The following KPTN variants were observed in gnomAD, a reference collection of about 807,000 sequenced individuals.
The protein encoded by KPTN is kaptin, actin binding protein.
In KPTN, 36 loss-of-function variants were observed where a neutral mutation model predicts 52.6. That is an observed-to-expected ratio of 0.68 (90% CI 0.52 to 0.90). The LOEUF (loss-of-function observed/expected upper bound fraction) is 0.90. KPTN is among the 40% of genes least tolerant of loss of function. KPTN has a pLI of 0.00. For missense variants in KPTN, 529 were observed against 576.2 expected (o/e 0.92, Z 0.84); for synonymous variants, 271 against 248.4 (o/e 1.09, Z -0.85).
chr19:47,478,672 G>A (rs1013849991), intron 8 of KPTN, among the ~76,000 whole-genome samples: 11 of 151,058 alleles, frequency 7.3e-5, no homozygotes, highest in Non-Finnish European at 1.5e-4. Flanking sequence ...TGACTAATGA[G>A]TGGAGAAAGA....
intron 7 of KPTN, 144 bp from the exon 8 acceptor site, chr19:47,480,084 C>CTCTGAAGCCCT: frequency 3.2e-6 from 2 of 620,304 alleles, no homozygotes. Flanking sequence ...AGCCCCGCCC[C>CTCTGAAGCCCT]CAATCCCCAC....
intron 2 of KPTN, 31 bp downstream of exon 2, chr19:47,483,471 G>A (rs1023483399): frequency 6.3e-7 from 1 of 1,598,572 alleles, no homozygotes; most frequent in Non-Finnish European, 8.6e-7. Context: ...TAAGGAGGAG[G>A]GCGAAGGGAG....
chr19:47,475,212 G>T lies in KPTN; in HGVS notation c.*204C>A, dbSNP rs1409702214. 1.2e-5 allele frequency: 6 copies of T among 515,356 alleles called. No homozygotes were observed. The highest frequency in any genetic ancestry group is 2.3e-5 in the South Asian group (1 of 43,874). 31.9% of individuals were successfully genotyped at this position (515,356 alleles called of 1,614,324 possible). Reference sequence around the variant, plus strand: ...CCAATTCTCATCCAGAGTGGACAGGGTGGAATGGGATCATCCCTGCTTTCA... The same window carrying T: ...CCAATTCTCATCCAGAGTGGACAGGTTGGAATGGGATCATCCCTGCTTTCA... On this transcript the variant is annotated 3_prime_UTR_variant, in exon 12 of 12. Coordinates refer to ENST00000338134, the MANE Select transcript of KPTN (RefSeq NM_007059.4).
At position 47,479,932 on chromosome 19, in the gene KPTN, G is replaced by T; in HGVS notation, c.718C>A (p.Gln240Lys). ...HVDQRSREVL[Q>K]MWSVLQDGPI... The stretch of plus-strand genomic sequence containing the variant: ...CCGTCCTGCAGGACCGACCACATCT[G>T]CAGAACCTCTGCGTGGAGAGCGAGG... Residue 240 changes from glutamine (Q) to lysine (K), a missense_variant, in exon 8 of 12, where the codon CAG becomes AAG. Gln to Lys is a moderately conservative substitution (Grantham distance 53). Transcript: ENST00000338134. The T allele has an allele frequency of 6.2e-7, 1 of 1,612,742 alleles. No homozygotes were observed.
chr19:47,476,396 T>G, intron 11 of KPTN, 136 bp downstream of exon 11: 3 of 322,734 alleles, frequency 9.3e-6, no homozygotes, highest in Non-Finnish European at 4.8e-6. Context: ...CAGCTGCCCC[T>G]TTCTCCTGGG....
Position 47,480,416 on chromosome 19 carries a change from C to G in KPTN, c.600-9G>C. Reference sequence around the variant, plus strand: ...CGTCCAGCCAGAGGACGCTGGCGGGCGGGTGGATGGACAGGACGGACGGCC... The same window carrying G: ...CGTCCAGCCAGAGGACGCTGGCGGGGGGGTGGATGGACAGGACGGACGGCC... On this transcript the variant is annotated splice_polypyrimidine_tract_variant and intron_variant, in intron 6 of 11. Coordinates refer to ENST00000338134, the MANE Select transcript of KPTN (RefSeq NM_007059.4). 6.5e-7 allele frequency: 1 copy of G among 1,537,140 alleles called. No individual in the cohort carries two copies. The highest frequency in any genetic ancestry group is 8.8e-7 in the Non-Finnish European group (1 of 1,138,514).
At position 47,479,905 on chromosome 19, in the gene KPTN, G is replaced by A. The variant is rs770304010; in HGVS notation, c.745C>T (p.Pro249Ser). 2 of 1,613,126 alleles carry A rather than the reference G, an allele frequency of 1.2e-6. No individual in the cohort carries two copies. The highest frequency in any genetic ancestry group is 1.7e-6 in the Non-Finnish European group (2 of 1,179,440). ...LQMWSVLQDG[P>S]ISRVIVFSLS... is the part of the protein sequence containing the mutation. ...CTGAACACAATCACTCGGGAGATGG[G>A]ACCGTCCTGCAGGACCGACCACATC... is the stretch of plus-strand genomic sequence containing the variant. Residue 249 changes from proline (P) to serine (S), a missense_variant, in exon 8 of 12, where the codon CCC (proline) becomes TCC (serine). Pro to Ser is a moderately conservative substitution (Grantham distance 74). Transcript: ENST00000338134.
At chr19:47,480,153 AG>A in intron 7 of KPTN, 144 bp downstream of exon 7, 1 of 434,950 alleles carries the variant, frequency 2.3e-6, no homozygotes, top group Non-Finnish European at 4.1e-6. Context: ...GCCCCACCCT[AG>A]CCCCACCCGG....
intron 4 of KPTN, among the ~76,000 whole-genome samples, chr19:47,482,792 G>A (rs1385140210): frequency 6.6e-6 from 1 of 152,076 alleles, no homozygotes; most frequent in Non-Finnish European, 1.5e-5. Flanking sequence ...TGCAACCTCC[G>A]CCTCCCGGGT....
chr19:47,478,735 C>G (rs887596447), intron 8 of KPTN, among the ~76,000 whole-genome samples: 2 of 152,048 alleles, frequency 1.3e-5, no homozygotes, highest in African/African-American at 4.8e-5. Flanking sequence ...AAAATGTTGT[C>G]TTTTGCAGCA....
At chr19:47,483,032 C>G in intron 4 of KPTN, 129 bp downstream of exon 4, 1 of 992,462 alleles carries the variant, frequency 1.0e-6, no homozygotes, top group Non-Finnish European at 1.6e-6. Flanking sequence ...AATCCCTAAT[C>G]TAGTACAACC....
intron 3 of KPTN, 29 bp from the exon 4 acceptor site, chr19:47,483,244 T>C: frequency 6.2e-7 from 1 of 1,612,926 alleles, no homozygotes; most frequent in Non-Finnish European, 8.5e-7. Flanking sequence ...CAGGTTAGCA[T>C]GGGGGACCTG....
chr19:47,476,024 AG>A (rs1277208574), intron 11 of KPTN: 7 of 151,954 alleles, frequency 4.6e-5, no homozygotes, highest in Admixed American at 3.9e-4. Context: ...AAAAAAAAAA[AG>A]GCCAGGGTGT....
chr19:47,477,115 G>C (rs1243964827), intron 9 of KPTN, among the ~76,000 whole-genome samples, 177 bp from the exon 10 acceptor site: 2 of 152,192 alleles, frequency 1.3e-5, no homozygotes, highest in Non-Finnish European at 2.9e-5. Flanking sequence ...CCAGCAAGGG[G>C]TCAACCTGTG....
Position 47,483,151 on chromosome 19 carries a change from G to C in KPTN, c.449+10C>G. 2 of 1,613,394 alleles carry C rather than the reference G, an allele frequency of 1.2e-6. No individual in the cohort carries two copies. Among genetic ancestry groups the C allele is most frequent in the South Asian group, 2.2e-5 (2 of 91,062 alleles). On this transcript the variant is annotated intron_variant, in intron 4 of 11. Coordinates refer to ENST00000338134, the MANE Select transcript of KPTN (RefSeq NM_007059.4). The stretch of plus-strand genomic sequence containing the variant: ...AGTGGAGTGGGCGTCGATGCGCAGG[G>C]GACACTCACTCCGCATGGCACAGCT...
upstream of KPTN, chr19:47,484,334 C>G (rs540957701): frequency 1.3e-6 from 1 of 777,894 alleles, no homozygotes; most frequent in Non-Finnish European, 2.0e-6. Flanking sequence ...CTGCTCGGGC[C>G]TCCCAGGCGA....
intron 11 of KPTN, 135 bp from the exon 12 acceptor site, chr19:47,475,679 T>G (rs2122670994): frequency 9.8e-7 from 1 of 1,023,206 alleles, no homozygotes; most frequent in East Asian, 2.8e-5. Context: ...GACCACAGTG[T>G]GTGGGATGGG....
Position 47,476,458 on chromosome 19 carries a change from C to G in KPTN, c.1182+74G>C, listed in dbSNP as rs1246386414. The G allele has an allele frequency of 4.2e-5, 55 of 1,319,512 alleles. No individual in the cohort carries two copies. The East Asian group carries it at 1.2e-3, about 28-fold the overall frequency. 81.7% of individuals were successfully genotyped at this position (1,319,512 alleles called of 1,614,324 possible). A position where few individuals can be genotyped will look rare whatever the true frequency, so the allele number is the denominator to read the frequency against. ...TCCCTGAAATGAGTTCCTCCCTCCC[C>G]CAGGAGGAGGCCTGCACCCCCTGCT... is the stretch of plus-strand genomic sequence containing the variant. On this transcript the variant is annotated intron_variant, in intron 11 of 11. Transcript: ENST00000338134.
chr19:47,479,878 G>A lies in KPTN; in HGVS notation c.772C>T (p.Leu258Phe). ...GPISRVIVFS[L>F]SAAKETKDRP... Reference sequence around the variant, plus strand: ...CAGAGCTCACCCTTGGCGGCCGAGAGGCTGAACACAATCACTCGGGAGATG... The same window carrying A: ...CAGAGCTCACCCTTGGCGGCCGAGAAGCTGAACACAATCACTCGGGAGATG... Residue 258 changes from leucine to phenylalanine, a missense_variant, in exon 8 of 12, where the codon CTC (leucine) becomes TTC (phenylalanine). Leu to Phe is a conservative substitution (Grantham distance 22). Coordinates refer to ENST00000338134, the MANE Select transcript of KPTN (RefSeq NM_007059.4). 1 of 1,613,506 alleles carries A rather than the reference G, an allele frequency of 6.2e-7. No homozygotes were observed. The highest frequency in any genetic ancestry group is 8.5e-7 in the Non-Finnish European group (1 of 1,179,766).
Sources: allele counts gnomAD v4.1 joint callset (sites outside exome capture counted in the v4.1 genomes callset), GRCh38; gene constraint gnomAD v4.1.1; transcripts MANE v1.5; gene names NCBI Gene and HGNC (gene_info 2026-07-23, HGNC 2026-07-21).